DHX35: variants seen among roughly 807,000 people sequenced by gnomAD.
DHX35 encodes the protein probable ATP-dependent RNA helicase DHX35.
In DHX35, 84 loss-of-function variants were observed where a neutral mutation model predicts 99.6. The observed-to-expected ratio is 0.84, with a 90% CI of 0.71 to 1.01. The LOEUF is 1.01. Among genes scored for constraint, DHX35 ranks in the 50% least tolerant of loss-of-function variants. The probability of loss-of-function intolerance (pLI) is 0.00; values close to 1 mark genes in which losing one functional copy is unlikely to be tolerated. For synonymous variants in DHX35, 331 were observed against 316.2 expected (o/e 1.05, Z -0.50); for missense variants, 852 against 888.5 (o/e 0.96, Z 0.52).
At chr20:39,004,923 C>T (rs986551522) in intron 11 of DHX35, among the ~76,000 whole-genome samples, 1 of 152,078 alleles carries the variant, frequency 6.6e-6, no homozygotes, top group Non-Finnish European at 1.5e-5. Context: ...ATGAGTCTGC[C>T]CTGTCAAACA....
intron 10 of DHX35, among the ~76,000 whole-genome samples, chr20:39,003,125 G>A (rs1174554146): frequency 6.6e-6 from 1 of 152,132 alleles, no homozygotes; most frequent in African/African-American, 2.4e-5. Context: ...AAACTAGGTA[G>A]TTGAGTGAGG....
At chr20:38,972,004 G>GTTTTTTTT (rs752049458) in intron 2 of DHX35, among the ~76,000 whole-genome samples, 69 of 81,020 alleles carry the variant, frequency 8.5e-4, no homozygotes, top group Middle Eastern at 8.9e-3. Context: ...GTTTTGTTTT[G>GTTTTTTTT]TTTTTTTTTT....
At chr20:39,033,480 G>A (rs2087092881) in intron 20 of DHX35, among the ~76,000 whole-genome samples, 1 of 152,144 alleles carries the variant, frequency 6.6e-6, no homozygotes, top group Admixed American at 6.6e-5. Context: ...CTTTGCAGGG[G>A]GGGCCCTTCT....
chr20:39,010,581 T>C (rs1338884539), intron 13 of DHX35, among the ~76,000 whole-genome samples, 177 bp downstream of exon 13: 1 of 152,172 alleles, frequency 6.6e-6, no homozygotes, highest in Non-Finnish European at 1.5e-5. Flanking sequence ...CCAGACAAGG[T>C]AGCCTCAATT....
chr20:39,010,392 C>T lies in DHX35; in HGVS notation c.1335C>T (p.Phe445=). The part of the protein sequence containing the change: ...KALGIDNVLR[F]HFMSPPPAQS... ...TAGGAATTGACAATGTCCTCAGGTT[C>T]CACTTCATGTCGGTAAGTCCTGCCT... Residue 445 remains phenylalanine (F), a synonymous_variant, in exon 13 of 22, where the codon TTC becomes TTT. Transcript: ENST00000252011. The T allele has an allele frequency of 6.2e-7, 1 of 1,614,110 alleles. No individual in the cohort carries two copies. Among genetic ancestry groups the T allele is most frequent in the African/African-American group, 1.3e-5 (1 of 75,046 alleles).
At chr20:38,976,873 G>A (rs576672306) in intron 3 of DHX35, among the ~76,000 whole-genome samples, 15 of 152,102 alleles carry the variant, frequency 9.9e-5, no homozygotes, top group Non-Finnish European at 1.9e-4. Context: ...TTCTGTGCTT[G>A]GCTTATTTCA....
In DHX35 at chr20:39,038,888, A is replaced by T. The variant is rs975308658; in HGVS notation, c.*345A>T. 3.8e-4 allele frequency: 133 copies of T among 350,666 alleles called. 3 individuals carry two copies. The East Asian group carries it at 8.2e-3, about 22-fold the overall frequency. 21.7% of individuals were successfully genotyped at this position (350,666 alleles called of 1,614,324 possible). A position where few individuals can be genotyped will look rare whatever the true frequency, so the allele number is the denominator to read the frequency against. On this transcript the variant is annotated 3_prime_UTR_variant, in exon 22 of 22. Transcript: ENST00000252011. ...AAACAAGGAGGAAAGTTAGCCACTGAAGGCCAAAACACCATGTGGGGTGGA... is the reference window on the plus strand; with the variant it reads ...AAACAAGGAGGAAAGTTAGCCACTGTAGGCCAAAACACCATGTGGGGTGGA...
At chr20:39,028,524 T>A in intron 19 of DHX35, 25 bp downstream of exon 19, 1 of 1,610,602 alleles carries the variant, frequency 6.2e-7, no homozygotes, top group Non-Finnish European at 8.5e-7. Context: ...GGTGAAGTCA[T>A]TTGTTAAAGG....
rs767418238 is a variant in DHX35, at chr20:39,030,712, G to T, written c.1892G>T (p.Arg631Leu). ...FHSTGAYRTI[R>L]DDHELHIHPA... Reference sequence around the variant, plus strand: ...TTCTTCTATGTTCCAAGGACCATCCGTGATGACCATGAGCTGCACATACAC... The same window carrying T: ...TTCTTCTATGTTCCAAGGACCATCCTTGATGACCATGAGCTGCACATACAC... The change falls in exon 20 of 22, where the codon CGT (arginine) becomes CTT (leucine). Residue 631 changes from arginine to leucine, a missense_variant. Physicochemically the swap from Arg to Leu is moderately radical, Grantham distance 102. Coordinates refer to ENST00000252011, the MANE Select transcript of DHX35 (RefSeq NM_021931.4). 2 of 1,613,934 alleles carry T rather than the reference G, an allele frequency of 1.2e-6. No homozygotes were observed. Among genetic ancestry groups the T allele is most frequent in the East Asian group, 2.2e-5 (1 of 44,894 alleles).
chr20:38,992,259 G>A lies in DHX35; in HGVS notation c.513-97G>A, dbSNP rs900787476. On this transcript the variant is annotated intron_variant, in intron 6 of 21. Transcript: ENST00000252011. ...GGTTTACTTTTGATGCAAAGTGATT[G>A]TATGAGGACTAAATACCCAGAAGCT... 7 of 956,836 alleles carry A rather than the reference G, an allele frequency of 7.3e-6. No individual in the cohort carries two copies. In the African/African-American group the frequency reaches 1.1e-4, roughly 16 times the overall value. 59.3% of individuals were successfully genotyped at this position (956,836 alleles called of 1,614,324 possible). A position where few individuals can be genotyped will look rare whatever the true frequency, so the allele number is the denominator to read the frequency against.
At chr20:39,032,828 CG>C (rs2087078717) in intron 20 of DHX35, among the ~76,000 whole-genome samples, 1 of 152,148 alleles carries the variant, frequency 6.6e-6, no homozygotes, top group African/African-American at 2.4e-5. Flanking sequence ...ACCAAGGAAT[CG>C]GATTTATCCT....
intron 1 of DHX35, 198 bp downstream of exon 1, chr20:38,962,605 A>C (rs772314837): frequency 1.2e-4 from 74 of 621,872 alleles, no homozygotes; most frequent in Non-Finnish European, 1.9e-4. Flanking sequence ...CCCTAGCGTG[A>C]GCAGAAACTC....
Position 39,021,918 on chromosome 20 carries a change from A to G in DHX35, c.1576A>G (p.Asn526Asp), listed in dbSNP as rs1180643308. Reference sequence around the variant, plus strand: ...CCAGAATATCTTTGTGGTCCCCCCAAACCAGAAGTCTCACGCAGTAAGTCA... The same window carrying G: ...CCAGAATATCTTTGTGGTCCCCCCAGACCAGAAGTCTCACGCAGTAAGTCA... ...QIQNIFVVPP[N>D]QKSHAIRVHR... The change falls in exon 16 of 22, where the codon AAC (asparagine) becomes GAC (aspartate). Residue 526 changes from asparagine (N) to aspartate (D), a missense_variant. Asn to Asp is a conservative substitution (Grantham distance 23, BLOSUM62 1). Transcript: ENST00000252011. 3 of 1,613,994 alleles carry G rather than the reference A, an allele frequency of 1.9e-6. No individual in the cohort carries two copies. The highest frequency in any genetic ancestry group is 1.3e-5 in the African/African-American group (1 of 74,914).
intron 1 of DHX35, among the ~76,000 whole-genome samples, chr20:38,968,351 C>T (rs1255923184): frequency 6.6e-6 from 1 of 152,180 alleles, no homozygotes; most frequent in African/African-American, 2.4e-5. Context: ...CAGTTTCTGT[C>T]ATCTCTGAGC....
chr20:39,032,166 T>G (rs947683788), intron 20 of DHX35, among the ~76,000 whole-genome samples: 10 of 152,206 alleles, frequency 6.6e-5, no homozygotes, highest in African/African-American at 2.4e-4. Flanking sequence ...GGATTGGATT[T>G]TGTTTTTTTG....
intron 8 of DHX35, among the ~76,000 whole-genome samples, chr20:38,998,343 T>A (rs2086463022): frequency 6.6e-6 from 1 of 152,216 alleles, no homozygotes; most frequent in Non-Finnish European, 1.5e-5. Flanking sequence ...TAGCATCAGC[T>A]GGGGTCAGGT....
chr20:39,019,697 ATT>A (rs1048710921), intron 15 of DHX35, among the ~76,000 whole-genome samples: 1 of 151,962 alleles, frequency 6.6e-6, no homozygotes, highest in Non-Finnish European at 1.5e-5. Context: ...CCAACTTATC[ATT>A]TTTTTTGTGC....
intron 8 of DHX35, among the ~76,000 whole-genome samples, chr20:38,996,299 C>G (rs1304746044): frequency 6.6e-6 from 1 of 152,162 alleles, no homozygotes; most frequent in Non-Finnish European, 1.5e-5. Context: ...CCATGAAGAT[C>G]AGGACTTTGT....
In DHX35 at chr20:39,001,695, T is replaced by A. The variant is rs200399302; in HGVS notation, c.643-35T>A. 4.9e-5 allele frequency: 76 copies of A among 1,537,172 alleles called. No homozygotes were observed. The East Asian group carries it at 1.7e-3, about 35-fold the overall frequency. On this transcript the variant is annotated intron_variant, in intron 8 of 21. Coordinates refer to ENST00000252011, the MANE Select transcript of DHX35 (RefSeq NM_021931.4). The stretch of plus-strand genomic sequence containing the variant: ...ATGAATCGCTACGAACCTTTTTTTC[T>A]AAGAGAAATGAAGAATTAATTTTTT...
Sources: gnomAD v4.1 joint callset for allele counts (sites outside exome capture counted in the v4.1 genomes callset) on GRCh38, gnomAD v4.1.1 for gene constraint, MANE v1.5 for transcripts, NCBI Gene and HGNC (gene_info 2026-07-23, HGNC 2026-07-21) for gene names.